PPEF1: variants seen among roughly 807,000 people sequenced by gnomAD.
PPEF1 encodes the protein serine/threonine-protein phosphatase with EF-hands 1.
Under a neutral mutation model 53.3 loss-of-function variants are expected in PPEF1, and 12 were observed. That is an observed-to-expected ratio of 0.23 (90% confidence interval 0.14 to 0.36). The LOEUF (loss-of-function observed/expected upper bound fraction) is 0.36. Among genes scored for constraint, PPEF1 ranks in the 10% least tolerant of loss-of-function variants. The probability of loss-of-function intolerance (pLI) is 1.00; values close to 1 mark genes in which losing one functional copy is unlikely to be tolerated. For synonymous variants in PPEF1, 165 were observed against 176.7 expected (o/e 0.93, Z 0.52); for missense variants, 334 against 490.4 (o/e 0.68, Z 3.01).
rs139971254 is a variant in PPEF1 at position 18,677,247 on chromosome X, C to T, written c.-587+1117C>T. ...AGAAATGGGGTTTCACCATGTTGGC[C>T]AGGTTGATCTCAAACTCCTGGCCTC... is the stretch of plus-strand genomic sequence containing the variant. On this transcript the variant is annotated intron_variant, in intron 1 of 20. Coordinates refer to the PPEF1 transcript ENST00000689646. 3.1e-3 allele frequency among the ~76,000 whole-genome samples: 344 copies of T among 111,228 alleles called. 1 individual carries two copies. Among genetic ancestry groups the T allele is most frequent in the African/African-American group, 0.011 (328 of 30,638 alleles).
intron 13 of PPEF1, among the ~76,000 whole-genome samples, chrX:18,821,222 C>CAAAA (rs55725180): frequency 1.8e-5 from 1 of 55,234 alleles, no homozygotes; most frequent in Non-Finnish European, 3.2e-5. Flanking sequence ...GACTCTGTCT[C>CAAAA]AAAAAAAAAA....
chrX:18,704,253 GT>G (rs1440074385), upstream of PPEF1, among the ~76,000 whole-genome samples: 5 of 111,569 alleles, frequency 4.5e-5, no homozygotes, highest in Non-Finnish European at 9.4e-5. Context: ...ATAAAAAGGG[GT>G]GGAAAAAATA....
chrX:18,753,556 G>C (rs2045486144), intron 4 of PPEF1, among the ~76,000 whole-genome samples: 1 of 111,219 alleles, frequency 9.0e-6, no homozygotes, highest in African/African-American at 3.3e-5. Flanking sequence ...ATTGATTTGA[G>C]ATCCTTCTTT....
At chrX:18,796,120 T>G (rs1410458536) in intron 10 of PPEF1, among the ~76,000 whole-genome samples, 1 of 112,244 alleles carries the variant, frequency 8.9e-6, no homozygotes, top group Non-Finnish European at 1.9e-5. Context: ...CACGCCCAGC[T>G]AATTTTTGTG....
intron 2 of PPEF1, among the ~76,000 whole-genome samples, chrX:18,732,603 C>T (rs970795801): frequency 5.4e-5 from 6 of 111,830 alleles, no homozygotes; most frequent in African/African-American, 1.9e-4. Context: ...ATGGACAAAC[C>T]CATCATCAAC....
intron 3 of PPEF1, among the ~76,000 whole-genome samples, chrX:18,748,015 G>T (rs1437953705): frequency 8.9e-6 from 1 of 112,007 alleles, no homozygotes; most frequent in Non-Finnish European, 1.9e-5. Flanking sequence ...GGGCATTGAA[G>T]ACAGTGAAGT....
At chrX:18,753,513 C>T (rs1040542950) in intron 4 of PPEF1, among the ~76,000 whole-genome samples, 11 of 111,408 alleles carry the variant, frequency 9.9e-5, no homozygotes, top group African/African-American at 3.2e-4. Flanking sequence ...CACTCTAATT[C>T]GTATTTTCTT....
intron 12 of PPEF1, among the ~76,000 whole-genome samples, chrX:18,809,065 TTA>T (rs1343301637): frequency 1.9e-5 from 2 of 104,783 alleles, no homozygotes; most frequent in African/African-American, 7.0e-5. Context: ...GATTTATATA[TTA>T]TATATATATA....
chrX:18,821,734 C>A (rs1408118815), intron 13 of PPEF1, among the ~76,000 whole-genome samples: 2 of 103,400 alleles, frequency 1.9e-5, no homozygotes, highest in Non-Finnish European at 3.9e-5. Flanking sequence ...TTTGAGGGAA[C>A]TGTTGAAGTT....
At chrX:18,721,612 T>G (rs2044591535) in intron 1 of PPEF1, among the ~76,000 whole-genome samples, 1 of 111,777 alleles carries the variant, frequency 8.9e-6, no homozygotes, top group Non-Finnish European at 1.9e-5. Context: ...CCTCGGAGTT[T>G]CGTTGATTTG....
At chrX:18,805,041 C>T (rs781452035) in intron 11 of PPEF1, among the ~76,000 whole-genome samples, 2 of 108,741 alleles carry the variant, frequency 1.8e-5, no homozygotes, top group Non-Finnish European at 3.8e-5. Context: ...GGCTGGAGTG[C>T]AGTGGTGCAA....
chrX:18,744,015 C>T (rs1387337007), intron 3 of PPEF1, among the ~76,000 whole-genome samples: 2 of 109,616 alleles, frequency 1.8e-5, no homozygotes, highest in South Asian at 4.0e-4. Context: ...CTCAGGCTCC[C>T]GAGTAGCTGG....
chrX:18,761,084 C>G lies in PPEF1; in HGVS notation c.512-446C>G, dbSNP rs1456150749. On this transcript the variant is annotated intron_variant, in intron 5 of 15. Transcript: ENST00000470157. ...GTGTGAGCCATCACACCCAGCCAAG[C>G]TTGAGTTTTGAAGTGAGTTAAAGTT... is the stretch of plus-strand genomic sequence containing the variant. Among the ~76,000 whole-genome samples, 5 of 111,170 alleles carry G rather than the reference C, an allele frequency of 4.5e-5. No individual in the cohort carries two copies. The East Asian group carries it at 1.4e-3, about 31-fold the overall frequency.
chrX:18,780,184 G>A (rs982086335), intron 7 of PPEF1, among the ~76,000 whole-genome samples: 2 of 112,123 alleles, frequency 1.8e-5, no homozygotes, highest in African/African-American at 3.2e-5. Context: ...GGGAAGATGC[G>A]TGTTGAGCAG....
At chrX:18,681,277 T>C (rs1176241809), upstream of PPEF1, among the ~76,000 whole-genome samples, 1 of 111,872 alleles carries the variant, frequency 8.9e-6, no homozygotes, top group Non-Finnish European at 1.9e-5. Context: ...GCGCCTGGCC[T>C]GCAGCACTAA....
At chrX:18,814,773 T>A (rs939638990) in intron 12 of PPEF1, among the ~76,000 whole-genome samples, 2 of 112,119 alleles carry the variant, frequency 1.8e-5, no homozygotes, top group African/African-American at 6.5e-5. Flanking sequence ...TGTGAAGATT[T>A]CCTCCCAATC....
intron 3 of PPEF1, among the ~76,000 whole-genome samples, chrX:18,690,358 GT>G (rs67423941): frequency 0.32 from 22,763 of 70,533 alleles, 2,566 homozygotes; most frequent in Non-Finnish European, 0.37. Context: ...TCTAGGACTT[GT>G]TTTTTTTTTT....
chrX:18,714,643 A>G lies in PPEF1; in HGVS notation c.46+6817A>G, dbSNP rs151092520. Among the ~76,000 whole-genome samples the G allele has an allele frequency of 2.7e-3, 306 of 112,079 alleles. 2 individuals carry two copies. Among genetic ancestry groups the G allele is most frequent in the African/African-American group, 8.6e-3 (266 of 30,897 alleles). On this transcript the variant is annotated intron_variant, in intron 1 of 15. Transcript: ENST00000470157. ...ATTCAAGGAGTTTTGATGACAAAGT[A>G]TTTTTTGCTGTCACCCATTACACCA...
chrX:18,803,779 T>G, intron 10 of PPEF1, 113 bp from the exon 11 acceptor site: 108 of 732,384 alleles, frequency 1.5e-4, no homozygotes, highest in East Asian at 2.4e-4. Flanking sequence ...CAAGGAAGAA[T>G]GAGAAGTGGT....
Sources: allele counts gnomAD v4.1 joint callset (sites outside exome capture counted in the v4.1 genomes callset), GRCh38; gene constraint gnomAD v4.1.1; transcripts MANE v1.5; gene names NCBI Gene and HGNC (gene_info 2026-07-23, HGNC 2026-07-21).